The following MST1R variants were observed in gnomAD, a reference collection of about 807,000 sequenced individuals.
MST1R encodes macrophage stimulating 1 receptor.
In MST1R, 99 loss-of-function variants were observed where a neutral mutation model predicts 117.8. That is an observed-to-expected ratio of 0.84 (90% CI 0.71 to 0.99). The LOEUF is 0.99. Among genes scored for constraint, MST1R ranks in the 50% least tolerant of loss-of-function variants. The pLI is 0.00. For missense variants in MST1R, 1,683 were observed against 1,840.2 expected (o/e 0.91, Z 1.56); for synonymous variants, 734 against 765.3 (o/e 0.96, Z 0.68).
At position 49,897,334 on chromosome 3, in the gene MST1R, G is replaced by A; in HGVS notation, c.2129C>T (p.Ser710Phe). ...TCLTLEGQSLSVGTSRAVLVN... is the reference protein window; with the variant it reads ...TCLTLEGQSLFVGTSRAVLVN... ...CAGCACAGCCCGGCTGGTGCCTACAGACAGACTCTGGCCTTCAAGAGTGAG... is the reference window on the plus strand; with the variant it reads ...CAGCACAGCCCGGCTGGTGCCTACAAACAGACTCTGGCCTTCAAGAGTGAG... Residue 710 changes from serine (S) to phenylalanine (F), a missense_variant, in exon 7 of 20, where the codon TCT becomes TTT. Coordinates refer to ENST00000296474, the MANE Select transcript of MST1R (RefSeq NM_002447.4). 6.2e-7 allele frequency: 1 copy of A among 1,613,874 alleles called. No homozygotes were observed. The highest frequency in any genetic ancestry group is 2.2e-5 in the East Asian group (1 of 44,880).
In MST1R at chr3:49,897,306, G is replaced by A. The variant is rs748131843; in HGVS notation, c.2157C>T (p.Val719=). The change falls in exon 7 of 20, where the codon GTC becomes GTT. Residue 719 remains valine (V), a synonymous_variant. Transcript: ENST00000296474. ...LSVGTSRAVL[V]NGTECLLARV... ...GTGCTAGCAGACACTCAGTCCCATT[G>A]ACCAGCACAGCCCGGCTGGTGCCTA... 7 of 1,612,674 alleles carry A rather than the reference G, an allele frequency of 4.3e-6. No homozygotes were observed. Among genetic ancestry groups the A allele is most frequent in the South Asian group, 1.1e-5 (1 of 90,884 alleles).
Position 49,895,235 on chromosome 3 carries a change from G to C in MST1R, c.3203C>G (p.Ala1068Gly). The C allele has an allele frequency of 6.2e-7, 1 of 1,614,214 alleles. No individual in the cohort carries two copies. Among genetic ancestry groups the C allele is most frequent in the Non-Finnish European group, 8.5e-7 (1 of 1,180,042 alleles). Reference sequence around the variant, plus strand: ...GGGAATCAGCACATCCTTGACCTCAGCCAAGAGCGCAGAGTCCAGGTCCCT... The same window carrying C: ...GGGAATCAGCACATCCTTGACCTCACCCAAGAGCGCAGAGTCCAGGTCCCT... The part of the protein sequence containing the change: ...QLRDLDSALL[A>G]EVKDVLIPHE... Residue 1068 changes from alanine (A) to glycine (G), a missense_variant, in exon 14 of 20, where the codon GCT becomes GGT. Coordinates refer to ENST00000296474, the MANE Select transcript of MST1R (RefSeq NM_002447.4).
intron 14 of MST1R, among the ~76,000 whole-genome samples, chr3:49,893,684 G>C (rs1401250734): frequency 6.6e-6 from 1 of 151,310 alleles, no homozygotes; most frequent in Non-Finnish European, 1.5e-5. Context: ...TGGATCATGA[G>C]GTCAGGAGAT....
intron 1 of MST1R, among the ~76,000 whole-genome samples, chr3:49,899,976 C>A (rs2082618126): frequency 6.6e-6 from 1 of 152,186 alleles, no homozygotes; most frequent in South Asian, 2.1e-4. Flanking sequence ...AGTCTCAGCT[C>A]CGCAAGAGTC....
At chr3:49,897,986 C>T in intron 5 of MST1R, 65 bp downstream of exon 5, 2 of 1,607,632 alleles carry the variant, frequency 1.2e-6, no homozygotes, top group Non-Finnish European at 1.7e-6. Flanking sequence ...AGAACAGGGT[C>T]TCATGGGGAA....
chr3:49,892,666 A>AT (rs142842472), intron 14 of MST1R, among the ~76,000 whole-genome samples: 1 of 120,194 alleles, frequency 8.3e-6, no homozygotes, highest in Non-Finnish European at 1.9e-5. Context: ...TTTTTTTTAA[A>AT]TTAAAAAAAA....
In MST1R at chr3:49,896,230, G is replaced by T. The variant is rs746415001; in HGVS notation, c.2614C>A (p.Pro872Thr). ...ATGGCATGCTCCTCAGGCTTCAGTG[G>T]AACTAGGTTGGCACTGGGTGGATGG... ...PPHPPSANLVPLKPEEHAIKF... is the reference protein window; with the variant it reads ...PPHPPSANLVTLKPEEHAIKF... Residue 872 changes from proline to threonine, a missense_variant, in exon 10 of 20, where the codon CCA (proline) becomes ACA (threonine). Coordinates refer to ENST00000296474, the MANE Select transcript of MST1R (RefSeq NM_002447.4). 56 of 1,614,052 alleles carry T rather than the reference G, an allele frequency of 3.5e-5. No individual in the cohort carries two copies. Among genetic ancestry groups the T allele is most frequent in the Non-Finnish European group, 4.2e-6 (5 of 1,180,032 alleles).
intron 17 of MST1R, 55 bp downstream of exon 17, chr3:49,891,142 C>T (rs903535852): frequency 2.1e-5 from 32 of 1,529,334 alleles, no homozygotes; most frequent in Admixed American, 6.7e-5. Context: ...CCTTGAGCAC[C>T]GCACACCCTC....
At position 49,903,506 on chromosome 3, in the gene MST1R, G is replaced by A. The variant is rs139899091; in HGVS notation, c.104C>T (p.Ala35Val). 6.8e-5 allele frequency: 109 copies of A among 1,609,934 alleles called. No individual in the cohort carries two copies. The highest frequency in any genetic ancestry group is 9.1e-5 in the Non-Finnish European group (107 of 1,179,928). Reference protein sequence around the residue: ...EDWQCPRTPYAASRDFDVKYV... With the variant: ...EDWQCPRTPYVASRDFDVKYV... ...CTTCACGTCAAAGTCGCGAGAGGCCGCGTAGGGGGTGCGCGGGCACTGCCA... is the reference window on the plus strand; with the variant it reads ...CTTCACGTCAAAGTCGCGAGAGGCCACGTAGGGGGTGCGCGGGCACTGCCA... The change falls in exon 1 of 20, where the codon GCG becomes GTG. Residue 35 changes from alanine to valine, a missense_variant. Ala to Val is a moderately conservative substitution (Grantham distance 64). Transcript: ENST00000296474.
In MST1R at chr3:49,893,762, G is replaced by A. The variant is rs189750879; in HGVS notation, c.3271+1405C>T. ...AAAATACAAAAAATTAGCCGGGCAC[G>A]GTGGCAGGCGCCTGTAGTCCCAGCT... On this transcript the variant is annotated intron_variant, in intron 14 of 19. Coordinates refer to ENST00000296474, the MANE Select transcript of MST1R (RefSeq NM_002447.4). Among the ~76,000 whole-genome samples, 107 of 150,876 alleles carry A rather than the reference G, an allele frequency of 7.1e-4. 1 individual carries two copies. The highest frequency in any genetic ancestry group is 2.3e-3 in the African/African-American group (93 of 41,004).
Position 49,896,342 on chromosome 3 carries a change from G to C in MST1R, c.2502C>G (p.Pro834=), listed in dbSNP as rs1442011833. The change falls in exon 10 of 20, where the codon CCC becomes CCG. Residue 834 remains proline (P), a synonymous_variant. Transcript: ENST00000296474. The stretch of plus-strand genomic sequence containing the variant: ...TCAGATTCCCTGCCACCCATCCCTG[G>C]GGGTCTCGGACCACATATTCAGGAA... ...CRLPEYVVRD[P]QGWVAGNLSA... is the part of the protein sequence containing the mutation. The C allele has an allele frequency of 1.9e-6, 3 of 1,614,088 alleles. No individual in the cohort carries two copies. The highest frequency in any genetic ancestry group is 2.5e-6 in the Non-Finnish European group (3 of 1,180,014).
Position 49,887,239 on chromosome 3 carries a change from C to T in MST1R, c.*68G>A. 2 of 1,586,332 alleles carry T rather than the reference C, an allele frequency of 1.3e-6. No individual in the cohort carries two copies. Among genetic ancestry groups the T allele is most frequent in the Non-Finnish European group, 1.7e-6 (2 of 1,165,232 alleles). On this transcript the variant is annotated 3_prime_UTR_variant, in exon 20 of 20. Transcript: ENST00000296474. ...AGGTGGAGGGCCACTGCCCTCTGGC[C>T]TGGCATGGCCCAGAGGCAGCTTGGG...
chr3:49,898,081 C>A lies in MST1R; in HGVS notation c.1850G>T (p.Arg617Leu), dbSNP rs372059299. 1 of 1,613,956 alleles carries A rather than the reference C, an allele frequency of 6.2e-7. No individual in the cohort carries two copies. The highest frequency in any genetic ancestry group is 1.3e-5 in the African/African-American group (1 of 74,902). ...HQVTVGQSPC[R>L]PLPKDSSKLR... ...TTTTGAGCTGTCCTTGGGCAGTGGC[C>A]GGCAGGGACTTTGGCCCACAGTGAC... is the stretch of plus-strand genomic sequence containing the variant. The change falls in exon 5 of 20, where the codon CGG becomes CTG. Residue 617 changes from arginine (R) to leucine (L), a missense_variant. Coordinates refer to ENST00000296474, the MANE Select transcript of MST1R (RefSeq NM_002447.4).
In MST1R at chr3:49,902,800, T is replaced by C. The variant is rs1021544229; in HGVS notation, c.810A>G (p.Thr270=). ...YFLTVQPASV[T]DDPSALHTRL... Reference sequence around the variant, plus strand: ...GTGTGTGCAGGGCACTAGGATCATCTGTCACGCTGGCCGGCTGTACAGTCA... The same window carrying C: ...GTGTGTGCAGGGCACTAGGATCATCCGTCACGCTGGCCGGCTGTACAGTCA... The change falls in exon 1 of 20, where the codon ACA becomes ACG. Residue 270 remains threonine (T), a synonymous_variant. Transcript: ENST00000296474. The C allele has an allele frequency of 3.1e-6, 5 of 1,613,906 alleles. No individual in the cohort carries two copies. The highest frequency in any genetic ancestry group is 4.2e-6 in the Non-Finnish European group (5 of 1,180,044).
At chr3:49,893,096 T>C (rs1333485419) in intron 14 of MST1R, among the ~76,000 whole-genome samples, 2 of 150,338 alleles carry the variant, frequency 1.3e-5, no homozygotes, top group East Asian at 2.0e-4. Context: ...CTGGCCAACA[T>C]GATGAAACTC....
rs2108449517 is a variant in MST1R, at chr3:49,896,807, G to A, written c.2267C>T (p.Ala756Val). 2 of 1,560,878 alleles carry A rather than the reference G, an allele frequency of 1.3e-6. No homozygotes were observed. The highest frequency in any genetic ancestry group is 1.9e-5 in the Admixed American group (1 of 52,356). ...GAAGGTCCAGGAACCAGGTACCTGG[G>A]CACCCCCCACCTGCAGGCTAAGGGG... is the stretch of plus-strand genomic sequence containing the variant. The part of the protein sequence containing the change: ...SVPLSLQVGG[A>V]QVPGSWTFQY... Residue 756 changes from alanine (A) to valine (V), a missense_variant, in exon 8 of 20, where the codon GCC becomes GTC. Physicochemically the swap from Ala to Val is moderately conservative, Grantham distance 64. Transcript: ENST00000296474.
At chr3:49,899,515 G>A in intron 1 of MST1R, 2 of 346,870 alleles carry the variant, frequency 5.8e-6, no homozygotes, top group Non-Finnish European at 1.1e-5. Flanking sequence ...TGCCCATCCT[G>A]ATGGTGAGTT....
chr3:49,897,636 G>A lies in MST1R; in HGVS notation c.1930C>T (p.Pro644Ser), dbSNP rs912543527. 2 of 1,614,016 alleles carry A rather than the reference G, an allele frequency of 1.2e-6. No individual in the cohort carries two copies. Among genetic ancestry groups the A allele is most frequent in the African/African-American group, 2.7e-5 (2 of 74,952 alleles). Residue 644 changes from proline (P) to serine (S), a missense_variant, in exon 6 of 20, where the codon CCC becomes TCC. Physicochemically the swap from Pro to Ser is moderately conservative, Grantham distance 74. Transcript: ENST00000296474. The part of the protein sequence containing the change: ...FVEEFECELE[P>S]LGTQAVGPTN... The stretch of plus-strand genomic sequence containing the variant: ...GGCCCCACTGCCTGGGTGCCCAAGG[G>A]CTCCAGTTCACACTCAAACTCCTCT...
intron 17 of MST1R, 54 bp downstream of exon 17, chr3:49,891,143 G>T: frequency 6.5e-7 from 1 of 1,529,756 alleles, no homozygotes; most frequent in Non-Finnish European, 9.0e-7. Flanking sequence ...CTTGAGCACC[G>T]CACACCCTCA....
Sources: allele counts gnomAD v4.1 joint callset (sites outside exome capture counted in the v4.1 genomes callset), GRCh38; gene constraint gnomAD v4.1.1; transcripts MANE v1.5; gene names NCBI Gene and HGNC (gene_info 2026-07-23, HGNC 2026-07-21).